DAB2IP: variants seen among roughly 807,000 people sequenced by gnomAD.
The protein encoded by DAB2IP is DAB2 interacting protein.
Under a neutral mutation model 107.2 loss-of-function variants are expected in DAB2IP, and 28 were observed. That is an observed-to-expected ratio of 0.26 (90% CI 0.19 to 0.36). DAB2IP has a LOEUF of 0.36. Among genes scored for constraint, DAB2IP ranks in the 10% least tolerant of loss-of-function variants. The probability of loss-of-function intolerance (pLI) is 1.00; values close to 1 mark genes in which losing one functional copy is unlikely to be tolerated. For synonymous variants in DAB2IP, 755 were observed against 706.4 expected (o/e 1.07, Z -1.09); for missense variants, 1,400 against 1,644.7 (o/e 0.85, Z 2.57).
At chr9:121,757,127 C>A (rs35510547) in exon 4 of DAB2IP, 3 of 1,614,174 alleles carry the variant, frequency 1.9e-6, no homozygotes, top group Non-Finnish European at 2.5e-6. Context: ...TCATCAAGCC[C>A]GTGCACAGCA....
chr9:121,748,320 T>G (rs1472471311), intron 3 of DAB2IP, among the ~76,000 whole-genome samples: 1 of 152,182 alleles, frequency 6.6e-6, no homozygotes, highest in Non-Finnish European at 1.5e-5. Context: ...CTGGGCTGAT[T>G]GGATGCCTGG....
chr9:121,659,880 C>T (rs1833129405), intron 1 of DAB2IP, among the ~76,000 whole-genome samples: 1 of 152,140 alleles, frequency 6.6e-6, no homozygotes, highest in Admixed American at 6.5e-5. Context: ...GCATCCCTAC[C>T]CTGAGAGGCT....
intron 1 of DAB2IP, among the ~76,000 whole-genome samples, chr9:121,640,439 GA>G (rs560377850): frequency 4.6e-5 from 7 of 152,150 alleles, no homozygotes; most frequent in Non-Finnish European, 1.0e-4. Flanking sequence ...AGAACATTGT[GA>G]AACTTCCTTA....
chr9:121,752,838 C>G (rs930251108), intron 3 of DAB2IP: 3 of 152,250 alleles, frequency 2.0e-5, no homozygotes, highest in African/African-American at 4.8e-5. Flanking sequence ...ACAGCACTTT[C>G]AGCATGTGCC....
Position 121,699,527 on chromosome 9 carries a change from CA to C in DAB2IP, c.362+72del. ...GGCTGCGCCCCTGAGGACGCGGGGACAAAGCGCGAGCCCGGCCCGGGGCGAG... is the reference window on the plus strand; with the variant it reads ...GGCTGCGCCCCTGAGGACGCGGGGACAAGCGCGAGCCCGGCCCGGGGCGAG... On this transcript the variant is annotated intron_variant, in intron 3 of 15. Coordinates refer to ENST00000408936, the Ensembl canonical transcript of DAB2IP. This position sits in a 1 kb window ranked among gnomAD's most constrained non-coding sequence, Gnocchi z 6.2. 3 of 1,178,148 alleles carry C rather than the reference CA, an allele frequency of 2.5e-6. No individual in the cohort carries two copies. Among genetic ancestry groups the C allele is most frequent in the Non-Finnish European group, 2.1e-6 (2 of 952,390 alleles). 73.0% of individuals were successfully genotyped at this position (1,178,148 alleles called of 1,614,324 possible).
At chr9:121,661,885 G>A (rs1833221265) in intron 1 of DAB2IP, among the ~76,000 whole-genome samples, 7 of 151,902 alleles carry the variant, frequency 4.6e-5, no homozygotes, top group Admixed American at 3.9e-4. Context: ...AAAGGTTGAG[G>A]GTGGAGGATT....
At chr9:121,666,222 T>C (rs975350745) in intron 1 of DAB2IP, among the ~76,000 whole-genome samples, 2 of 152,206 alleles carry the variant, frequency 1.3e-5, no homozygotes, top group African/African-American at 2.4e-5. Flanking sequence ...GCCTATCTCC[T>C]TCTTGTAAAG....
chr9:121,589,910 G>T (rs1342370863), intron 1 of DAB2IP, among the ~76,000 whole-genome samples: 1 of 133,938 alleles, frequency 7.5e-6, no homozygotes, highest in African/African-American at 2.9e-5. Flanking sequence ...CTTCTGCCCA[G>T]TCCTGCTCCC....
In DAB2IP at chr9:121,777,170, C is replaced by T. The variant is rs116574012; in HGVS notation, c.3314+779C>T. Among the ~76,000 whole-genome samples the T allele has an allele frequency of 4.3e-3, 659 of 152,184 alleles. 5 individuals carry two copies. Among genetic ancestry groups the T allele is most frequent in the African/African-American group, 0.015 (633 of 41,496 alleles). On this transcript the variant is annotated intron_variant, in intron 14 of 15. Transcript: ENST00000408936. ...ACTTCCTTCTCAGTAATACCAGGCA[C>T]GGGAGGAGAGACAGTGTGTCTTGTT...
intron 1 of DAB2IP, among the ~76,000 whole-genome samples, chr9:121,573,793 AGT>A (rs1830001962): frequency 6.6e-6 from 1 of 152,160 alleles, no homozygotes; most frequent in African/African-American, 2.4e-5. Context: ...CTGATCACGC[AGT>A]GAGTGCACTG....
intron 1 of DAB2IP, among the ~76,000 whole-genome samples, chr9:121,677,725 G>A (rs922067817): frequency 3.3e-5 from 5 of 151,954 alleles, no homozygotes; most frequent in Non-Finnish European, 7.4e-5. Flanking sequence ...GCAGTGGCAC[G>A]ATCTTGGGTC....
At chr9:121,568,122 G>C (rs1257971369) in intron 1 of DAB2IP, among the ~76,000 whole-genome samples, 1 of 152,184 alleles carries the variant, frequency 6.6e-6, no homozygotes, top group Non-Finnish European at 1.5e-5. Context: ...CCTTCCAGGG[G>C]TTCAGGTCCT....
intron 2 of DAB2IP, among the ~76,000 whole-genome samples, chr9:121,680,527 GC>G (rs1412047148): frequency 6.6e-6 from 1 of 152,142 alleles, no homozygotes; most frequent in Non-Finnish European, 1.5e-5. Context: ...GCGCTTGGAG[GC>G]TGGGACAAGG....
At chr9:121,614,737 C>CTTT (rs33981373) in intron 1 of DAB2IP, among the ~76,000 whole-genome samples, 1 of 129,282 alleles carries the variant, frequency 7.7e-6, no homozygotes. Flanking sequence ...TTCTTTCTTT[C>CTTT]TTTTTTTTTT....
In DAB2IP at chr9:121,772,587, G is replaced by A. The variant is rs1035595249; in HGVS notation, c.2079-20G>A. The stretch of plus-strand genomic sequence containing the variant: ...TCTTCTTTTCCCCTTCTTTCCCTGT[G>A]TGTGCTTGTCTCCCTGCAGTCTGAT... On this transcript the variant is annotated intron_variant, in intron 11 of 15. Coordinates refer to ENST00000408936, the Ensembl canonical transcript of DAB2IP. This position sits in a 1 kb window ranked among gnomAD's most constrained non-coding sequence, Gnocchi z 4.7. 1.3e-6 allele frequency: 2 copies of A among 1,598,514 alleles called. No homozygotes were observed. The highest frequency in any genetic ancestry group is 1.3e-5 in the African/African-American group (1 of 74,588).
At chr9:121,751,817 C>T in intron 3 of DAB2IP, 1 of 531,038 alleles carries the variant, frequency 1.9e-6, no homozygotes, top group Non-Finnish European at 2.4e-6. Context: ...GCCAGTGGAA[C>T]TCCCATTCCC....
rs1829607459 is a variant in DAB2IP at position 121,699,171 on chromosome 9, G to A, written c.229-154G>A. 6.9e-6 allele frequency among the ~76,000 whole-genome samples: 1 copy of A among 145,220 alleles called. No individual in the cohort carries two copies. Among genetic ancestry groups the A allele is most frequent in the East Asian group, 2.0e-4 (1 of 4,886 alleles). ...GTCGGCGCTCGGTCGGCGGGCGGGC[G>A]GCGCGGGCCGCGAGCTGCTGGGGCC... is the stretch of plus-strand genomic sequence containing the variant. On this transcript the variant is annotated intron_variant, in intron 2 of 15. Coordinates refer to ENST00000408936, the Ensembl canonical transcript of DAB2IP. This position sits in a 1 kb window ranked among gnomAD's most constrained non-coding sequence, Gnocchi z 6.2.
intron 2 of DAB2IP, among the ~76,000 whole-genome samples, chr9:121,681,432 C>A (rs188516748): frequency 6.6e-6 from 1 of 152,286 alleles, no homozygotes. Context: ...AGGGTAGAAA[C>A]CACCTTCAGT....
chr9:121,782,741 G>A lies in DAB2IP; in HGVS notation c.*243G>A. ...CGGGCAGAAGAGACTGCACGCTGGG[G>A]AGTGGGGACAGCCTGATGGGGCAGG... On this transcript the variant is annotated 3_prime_UTR_variant, in exon 16 of 16. Coordinates refer to ENST00000408936, the Ensembl canonical transcript of DAB2IP. This position sits in a 1 kb window ranked among gnomAD's most constrained non-coding sequence, Gnocchi z 6.1. The A allele has an allele frequency of 7.3e-7, 1 of 1,370,914 alleles. No homozygotes were observed. Among genetic ancestry groups the A allele is most frequent in the Non-Finnish European group, 9.4e-7 (1 of 1,062,634 alleles). 84.9% of individuals were successfully genotyped at this position (1,370,914 alleles called of 1,614,324 possible).
Sources: gnomAD v4.1 joint callset for allele counts (sites outside exome capture counted in the v4.1 genomes callset) on GRCh38, gnomAD v4.1.1 for gene constraint, Gnocchi (gnomAD v3.1) non-coding constraint, MANE v1.5 for transcripts, NCBI Gene and HGNC (gene_info 2026-07-23, HGNC 2026-07-21) for gene names.